SUPT3H: variants seen among roughly 807,000 people sequenced by gnomAD.
SUPT3H encodes SPT3 homolog, SAGA and STAGA complex component.
Under a neutral mutation model 44.3 loss-of-function variants are expected in SUPT3H, and 44 were observed. The observed-to-expected ratio is 0.99, with a 90% CI of 0.78 to 1.28. The LOEUF (loss-of-function observed/expected upper bound fraction) is 1.28. SUPT3H is among the 50% of genes most tolerant of loss of function. The pLI, the probability that SUPT3H is intolerant of heterozygous loss-of-function variation, is 0.00. For synonymous variants in SUPT3H, 124 were observed against 125.6 expected, an observed-to-expected ratio of 0.99 and a Z score of 0.09; for missense variants, 380 against 387.1, an observed-to-expected ratio of 0.98 and a Z score of 0.15.
At chr6:45,033,059 G>A (rs1420648699) in intron 3 of SUPT3H, among the ~76,000 whole-genome samples, 1 of 152,004 alleles carries the variant, frequency 6.6e-6, no homozygotes, top group Non-Finnish European at 1.5e-5. Context: ...AGAGAAGATT[G>A]TACTAACTCA....
At chr6:45,290,338 T>TGGAG (rs907779826) in intron 2 of SUPT3H, among the ~76,000 whole-genome samples, 4 of 151,922 alleles carry the variant, frequency 2.6e-5, no homozygotes, top group Non-Finnish European at 4.4e-5. Flanking sequence ...AGTTGGTCAA[T>TGGAG]TTAAATTATC....
chr6:45,312,514 C>G (rs929380418), intron 2 of SUPT3H, among the ~76,000 whole-genome samples: 1 of 106,526 alleles, frequency 9.4e-6, no homozygotes, highest in Admixed American at 1.0e-4. Context: ...GACTCCATCT[C>G]AAAAAAAAAA....
At chr6:45,282,523 A>G (rs1778341454) in intron 2 of SUPT3H, among the ~76,000 whole-genome samples, 2 of 152,214 alleles carry the variant, frequency 1.3e-5, no homozygotes, top group African/African-American at 2.4e-5. Flanking sequence ...AAGTGAGAAG[A>G]GAAGTTTCGA....
chr6:44,879,981 GC>G (rs1239678378), intron 10 of SUPT3H, among the ~76,000 whole-genome samples: 1 of 152,086 alleles, frequency 6.6e-6, no homozygotes, highest in African/African-American at 2.4e-5. Context: ...AAAAAGTAGA[GC>G]AAAAAGGCTG....
chr6:45,354,439 T>G (rs1421524992), intron 2 of SUPT3H, among the ~76,000 whole-genome samples: 1 of 152,130 alleles, frequency 6.6e-6, no homozygotes, highest in Non-Finnish European at 1.5e-5. Context: ...AGTGTATGCC[T>G]CGCTTGGAAA....
At chr6:44,815,135 C>T (rs1477569415) in intron 11 of SUPT3H, among the ~76,000 whole-genome samples, 5 of 151,914 alleles carry the variant, frequency 3.3e-5, no homozygotes, top group South Asian at 2.1e-4. Context: ...GTAGTCTCAA[C>T]GTTAAAGGAC....
intron 10 of SUPT3H, among the ~76,000 whole-genome samples, chr6:44,916,535 A>G (rs1406578140): frequency 6.6e-6 from 1 of 152,172 alleles, no homozygotes; most frequent in East Asian, 1.9e-4. Flanking sequence ...AGATATTCTG[A>G]AAGGTTTTGG....
At chr6:45,189,380 A>G (rs141993969) in intron 2 of SUPT3H, among the ~76,000 whole-genome samples, 1 of 152,302 alleles carries the variant, frequency 6.6e-6, no homozygotes, top group East Asian at 1.9e-4. Flanking sequence ...TAATGTGAAT[A>G]TATTTCAGGT....
intron 2 of SUPT3H, among the ~76,000 whole-genome samples, chr6:45,238,713 T>C (rs1562767653): frequency 6.6e-6 from 1 of 152,208 alleles, no homozygotes; most frequent in Non-Finnish European, 1.5e-5. Context: ...AACTCCTTAT[T>C]TGGATGAAAT....
At chr6:45,223,625 TTAA>T (rs1481345869) in intron 2 of SUPT3H, among the ~76,000 whole-genome samples, 1 of 151,972 alleles carries the variant, frequency 6.6e-6, no homozygotes, top group Non-Finnish European at 1.5e-5. Context: ...ATCTTCTCAA[TTAA>T]TCTTACCCTC....
At chr6:45,010,515 T>C (rs1275824613) in intron 5 of SUPT3H, among the ~76,000 whole-genome samples, 2 of 152,124 alleles carry the variant, frequency 1.3e-5, no homozygotes, top group Admixed American at 1.3e-4. Flanking sequence ...AACAAATACA[T>C]CATAAACTGG....
intron 2 of SUPT3H, among the ~76,000 whole-genome samples, chr6:45,229,409 GGAT>G (rs1431520402): frequency 6.6e-5 from 10 of 151,944 alleles, no homozygotes; most frequent in Admixed American, 6.6e-4. Context: ...GAAATACACA[GGAT>G]GAAATAGGAG....
At chr6:44,942,407 C>T (rs941487115) in intron 9 of SUPT3H, among the ~76,000 whole-genome samples, 5 of 152,216 alleles carry the variant, frequency 3.3e-5, no homozygotes, top group Middle Eastern at 3.4e-3. Context: ...GATTTCCTGT[C>T]TTTACAGTTT....
chr6:44,966,746 A>G (rs1391222985), intron 6 of SUPT3H, among the ~76,000 whole-genome samples: 3 of 152,230 alleles, frequency 2.0e-5, no homozygotes, highest in Non-Finnish European at 4.4e-5. Context: ...TACTTTGGCT[A>G]TTCCGTATAG....
At chr6:44,851,384 G>C (rs1373179909) in intron 10 of SUPT3H, among the ~76,000 whole-genome samples, 1 of 152,188 alleles carries the variant, frequency 6.6e-6, no homozygotes, top group Non-Finnish European at 1.5e-5. Flanking sequence ...ACTCACGCTT[G>C]TGTTCATATT....
At chr6:45,321,826 T>A in intron 2 of SUPT3H, 4 of 1,606,734 alleles carry the variant, frequency 2.5e-6, no homozygotes, top group Non-Finnish European at 3.4e-6. Flanking sequence ...TGGAAGGATA[T>A]TGTGATAACA....
chr6:45,351,636 T>C (rs1361840827), intron 2 of SUPT3H, among the ~76,000 whole-genome samples: 2 of 152,130 alleles, frequency 1.3e-5, no homozygotes, highest in Non-Finnish European at 2.9e-5. Context: ...CCTAGTTTTA[T>C]ACTTCACTAA....
At chr6:44,945,045 CTG>C (rs552625535) in intron 9 of SUPT3H, among the ~76,000 whole-genome samples, 60 of 151,978 alleles carry the variant, frequency 3.9e-4, no homozygotes, top group Admixed American at 3.3e-3. Flanking sequence ...CTTTATGTCT[CTG>C]TGTCATATTT....
intron 6 of SUPT3H, among the ~76,000 whole-genome samples, chr6:44,990,714 A>G (rs1178336729): frequency 1.3e-5 from 2 of 151,852 alleles, no homozygotes; most frequent in African/African-American, 4.8e-5. Context: ...TTCTTCCCCT[A>G]CCTCATTTCT....
Sources: gnomAD v4.1 joint callset for allele counts (sites outside exome capture counted in the v4.1 genomes callset) on GRCh38, gnomAD v4.1.1 for gene constraint, MANE v1.5 for transcripts, NCBI Gene and HGNC (gene_info 2026-07-23, HGNC 2026-07-21) for gene names.